ADAMTS14: variants seen among roughly 807,000 people sequenced by gnomAD.
ADAMTS14 encodes the protein A disintegrin and metalloproteinase with thrombospondin motifs 14.
ADAMTS14 carries 100 observed loss-of-function variants against 128.6 expected under a neutral mutation model. The ratio of observed to expected loss-of-function variants is 0.78; its 90% CI spans 0.66 to 0.92. The LOEUF is 0.92. Among genes scored for constraint, ADAMTS14 ranks in the 40% least tolerant of loss-of-function variants. ADAMTS14 has a pLI of 0.00. For synonymous variants in ADAMTS14, 665 were observed against 653.8 expected (o/e 1.02, Z -0.26); for missense variants, 1,562 against 1,658.6 (o/e 0.94, Z 1.01).
intron 21 of ADAMTS14, among the ~76,000 whole-genome samples, chr10:70,759,987 C>T (rs12779216): frequency 0.33 from 50,857 of 152,142 alleles, 8,778 homozygotes; most frequent in Non-Finnish European, 0.37. Flanking sequence ...TGCGCCCACA[C>T]GTGGAGTCCC....
At chr10:70,707,583 C>T (rs1040087384) in intron 3 of ADAMTS14, among the ~76,000 whole-genome samples, 3 of 152,156 alleles carry the variant, frequency 2.0e-5, no homozygotes, top group South Asian at 2.1e-4. Context: ...TGACTGACAG[C>T]GCTCAAGTTG....
intron 2 of ADAMTS14, among the ~76,000 whole-genome samples, chr10:70,698,367 A>G (rs1840395054): frequency 6.6e-6 from 1 of 152,240 alleles, no homozygotes; most frequent in African/African-American, 2.4e-5. Flanking sequence ...AGAGCCAGAA[A>G]GTGCTCACTG....
In ADAMTS14 at chr10:70,753,963, CG is replaced by C. The variant is rs1564560770; in HGVS notation, c.2894del (p.Arg965GlnfsTer66). On this transcript the variant is annotated frameshift_variant, in exon 19 of 22. Transcript: ENST00000373207. Reference sequence around the variant, plus strand: ...GCCTGAGGCCCGACGGCCCTGTCTCCGAGTGCCCTGCCCAGCCCAGTGGAGG... The same window carrying C: ...GCCTGAGGCCCGACGGCCCTGTCTCCAGTGCCCTGCCCAGCCCAGTGGAGG... ...DRPEARRPCL[R>X]VPCPAQWRLG... 1.9e-6 allele frequency: 3 copies of C among 1,582,550 alleles called. No homozygotes were observed. In the South Asian group the frequency reaches 3.5e-5, roughly 18 times the overall value.
intron 4 of ADAMTS14, among the ~76,000 whole-genome samples, chr10:70,728,095 CAAAA>C (rs548466130): frequency 1.7e-5 from 2 of 119,648 alleles, no homozygotes; most frequent in Admixed American, 1.7e-4. Context: ...GACTCCACCT[CAAAA>C]AAAAAAAAAA....
At position 70,732,491 on chromosome 10, in the gene ADAMTS14, G is replaced by A. The variant is rs949374914; in HGVS notation, c.1208+132G>A. On this transcript the variant is annotated intron_variant, in intron 7 of 21. Transcript: ENST00000373207. Reference sequence around the variant, plus strand: ...TGGGAGGTGTCAGAGGAGCTGGACTGCCACTGCGGCATGGCCTCCTGCAGT... The same window carrying A: ...TGGGAGGTGTCAGAGGAGCTGGACTACCACTGCGGCATGGCCTCCTGCAGT... The A allele has an allele frequency of 1.9e-5, 14 of 746,398 alleles. No homozygotes were observed. In the East Asian group the frequency reaches 3.8e-4, roughly 20 times the overall value. 46.2% of individuals were successfully genotyped at this position (746,398 alleles called of 1,614,324 possible).
At chr10:70,724,834 A>G (rs1427644301) in intron 4 of ADAMTS14, among the ~76,000 whole-genome samples, 2 of 152,138 alleles carry the variant, frequency 1.3e-5, no homozygotes, top group African/African-American at 2.4e-5. Flanking sequence ...GTTTATTTTT[A>G]TCATCCTTAT....
intron 3 of ADAMTS14, among the ~76,000 whole-genome samples, chr10:70,707,147 G>A (rs1484721075): frequency 6.6e-6 from 1 of 152,192 alleles, no homozygotes; most frequent in Non-Finnish European, 1.5e-5. Context: ...TGATATTCCT[G>A]TATTGTTACA....
chr10:70,710,324 C>T (rs762595276), intron 4 of ADAMTS14, among the ~76,000 whole-genome samples: 2 of 152,198 alleles, frequency 1.3e-5, no homozygotes, highest in Non-Finnish European at 2.9e-5. Flanking sequence ...AAGATATGTA[C>T]GTGGTGGGTC....
chr10:70,672,819 C>A lies in ADAMTS14; in HGVS notation c.17C>A (p.Ala6Glu). Residue 6 changes from alanine (A) to glutamate (E), a missense_variant, in exon 1 of 22, where the codon GCG becomes GAG. Transcript: ENST00000373207. ...CGCGGCCACATGGCTCCACTCCGCG[C>A]GCTGCTGTCCTACCTGCTGCCTTTG... Reference protein sequence around the residue: MAPLRALLSYLLPLHC... With the variant: MAPLRELLSYLLPLHC... 6.6e-7 allele frequency: 1 copy of A among 1,512,256 alleles called. No individual in the cohort carries two copies. Among genetic ancestry groups the A allele is most frequent in the Non-Finnish European group, 8.8e-7 (1 of 1,134,466 alleles). 93.7% of individuals were successfully genotyped at this position (1,512,256 alleles called of 1,614,324 possible). A position where few individuals can be genotyped will look rare whatever the true frequency, so the allele number is the denominator to read the frequency against.
rs1269969577 is a variant in ADAMTS14 at position 70,689,156 on chromosome 10, G to A, written c.523-13156G>A. Reference sequence around the variant, plus strand: ...TGTCACTTCAAAATTCATAGTCCCCGCGTAGGGAGATGCTAGGTAAAATAT... The same window carrying A: ...TGTCACTTCAAAATTCATAGTCCCCACGTAGGGAGATGCTAGGTAAAATAT... On this transcript the variant is annotated intron_variant, in intron 2 of 21. Coordinates refer to ENST00000373207, the MANE Select transcript of ADAMTS14 (RefSeq NM_080722.4). Among the ~76,000 whole-genome samples, 6 of 142,954 alleles carry A rather than the reference G, an allele frequency of 4.2e-5. 2 individuals are homozygous for A. Among genetic ancestry groups the A allele is most frequent in the African/African-American group, 7.4e-5 (3 of 40,522 alleles). 93.8% of individuals were successfully genotyped at this position (142,954 alleles called of 152,430 possible).
At chr10:70,728,832 G>T (rs1841526038) in intron 4 of ADAMTS14, among the ~76,000 whole-genome samples, 1 of 152,230 alleles carries the variant, frequency 6.6e-6, no homozygotes, top group Non-Finnish European at 1.5e-5. Flanking sequence ...TCCTGGAGGA[G>T]TGCCCACTGC....
At chr10:70,678,161 G>A (rs1186171680) in intron 2 of ADAMTS14, among the ~76,000 whole-genome samples, 2 of 152,206 alleles carry the variant, frequency 1.3e-5, no homozygotes, top group African/African-American at 4.8e-5. Flanking sequence ...GTCATAGGCG[G>A]AGATACGAAG....
intron 4 of ADAMTS14, among the ~76,000 whole-genome samples, chr10:70,709,639 T>C (rs1212781408): frequency 6.6e-6 from 1 of 151,742 alleles, no homozygotes; most frequent in African/African-American, 2.4e-5. Context: ...TAGCTGGGAC[T>C]ACAGGCACCT....
rs200762484 is a variant in ADAMTS14 at position 70,760,299 on chromosome 10, C to T, written c.3179-61C>T. ...GTCAGTGGGTAAGTGGGAGGGGGGG[C>T]CACCTGACTGACAGGCATCCCCACG... On this transcript the variant is annotated intron_variant, in intron 21 of 21. Coordinates refer to ENST00000373207, the MANE Select transcript of ADAMTS14 (RefSeq NM_080722.4). 1.2e-3 allele frequency: 1,801 copies of T among 1,500,412 alleles called. 2 individuals carry two copies. The highest frequency in any genetic ancestry group is 1.4e-3 in the Non-Finnish European group (1,612 of 1,128,450). 92.9% of individuals were successfully genotyped at this position (1,500,412 alleles called of 1,614,324 possible).
intron 2 of ADAMTS14, among the ~76,000 whole-genome samples, chr10:70,692,650 A>G (rs1840224899): frequency 6.6e-6 from 1 of 152,218 alleles, no homozygotes; most frequent in Admixed American, 6.5e-5. Flanking sequence ...GTTAGAAAAT[A>G]CCTAAAAGTT....
intron 9 of ADAMTS14, among the ~76,000 whole-genome samples, chr10:70,736,402 G>A (rs1841827341): frequency 6.6e-6 from 1 of 152,148 alleles, no homozygotes; most frequent in South Asian, 2.1e-4. Flanking sequence ...GTGACAAATG[G>A]CCTCTGTAAA....
chr10:70,708,964 T>C (rs1173560081), intron 4 of ADAMTS14, among the ~76,000 whole-genome samples, 186 bp downstream of exon 4: 2 of 152,094 alleles, frequency 1.3e-5, no homozygotes, highest in Admixed American at 6.5e-5. Context: ...GGTTCGATGG[T>C]GTAATGAGCC....
rs147698528 is a variant in ADAMTS14 at position 70,760,903 on chromosome 10, G to A, written c.*50G>A. On this transcript the variant is annotated 3_prime_UTR_variant, in exon 22 of 22. Coordinates refer to ENST00000373207, the MANE Select transcript of ADAMTS14 (RefSeq NM_080722.4). ...ACGTTTACACTCTGTGTACTGCCCC[G>A]TGACTCCCAGCTCAGAGGACACACA... The A allele has an allele frequency of 2.6e-5, 40 of 1,510,810 alleles. No individual in the cohort carries two copies. The Admixed American group carries it at 2.9e-4, about 11-fold the overall frequency. The allele number at this position is 1,510,810 out of a possible 1,614,324, so 93.6% of individuals were successfully genotyped here. A position where few individuals can be genotyped will look rare whatever the true frequency, so the allele number is the denominator to read the frequency against.
At chr10:70,693,209 C>T (rs892374267) in intron 2 of ADAMTS14, among the ~76,000 whole-genome samples, 1 of 152,162 alleles carries the variant, frequency 6.6e-6, no homozygotes, top group Non-Finnish European at 1.5e-5. Context: ...CCCCATGATC[C>T]AATCACCTCC....
Sources: allele counts gnomAD v4.1 joint callset (sites outside exome capture counted in the v4.1 genomes callset), GRCh38; gene constraint gnomAD v4.1.1; transcripts MANE v1.5; gene names NCBI Gene and HGNC (gene_info 2026-07-23, HGNC 2026-07-21).